Variants in C1D observed in about 807,000 individuals in gnomAD.
C1D encodes the protein nuclear nucleic acid-binding protein C1D.
Under a neutral mutation model 17.5 loss-of-function variants are expected in C1D, and 10 were observed. That is an observed-to-expected ratio of 0.57 (90% CI 0.35 to 0.97). The LOEUF is 0.97. C1D is among the 50% of genes least tolerant of loss of function. The pLI is 0.01. For missense variants in C1D, 136 were observed against 160.1 expected (o/e 0.85, Z 0.81); for synonymous variants, 49 against 54.0 (o/e 0.91, Z 0.40).
chr2:68,053,592 A>T (rs1671348861), intron 1 of C1D, among the ~76,000 whole-genome samples: 2 of 152,228 alleles, frequency 1.3e-5, no homozygotes, highest in Non-Finnish European at 2.9e-5. Context: ...TGCTTTAAAC[A>T]GTCTGGTCAT....
intron 1 of C1D, among the ~76,000 whole-genome samples, chr2:68,049,554 A>T (rs1309071174): frequency 1.3e-5 from 2 of 152,226 alleles, no homozygotes; most frequent in African/African-American, 4.8e-5. Flanking sequence ...TTAACCACAG[A>T]AAAAGAATTA....
At chr2:68,058,220 C>T (rs941550691) in intron 1 of C1D, among the ~76,000 whole-genome samples, 8 of 152,176 alleles carry the variant, frequency 5.3e-5, no homozygotes, top group Non-Finnish European at 8.8e-5. Context: ...ATTTAATTAG[C>T]CTCCATGATA....
At chr2:68,045,384 A>G (rs550380883) in intron 4 of C1D, among the ~76,000 whole-genome samples, 11 of 152,304 alleles carry the variant, frequency 7.2e-5, no homozygotes, top group African/African-American at 2.6e-4. Context: ...GATTTGATTT[A>G]ATTTTTGAAG....
chr2:68,044,278 ATC>A (rs1216804720), intron 4 of C1D, among the ~76,000 whole-genome samples: 1 of 152,258 alleles, frequency 6.6e-6, no homozygotes, highest in Non-Finnish European at 1.5e-5. Context: ...CAGAGGAATC[ATC>A]TCTCACTTGG....
intron 1 of C1D, among the ~76,000 whole-genome samples, chr2:68,051,323 A>G (rs1002171235): frequency 1.3e-5 from 2 of 152,142 alleles, no homozygotes; most frequent in African/African-American, 4.8e-5. Context: ...GTTCGAGACC[A>G]ACCTGGGCAA....
chr2:68,044,717 A>G lies in C1D; in HGVS notation c.261+1271T>C, dbSNP rs371445269. On this transcript the variant is annotated intron_variant, in intron 4 of 4. Transcript: ENST00000410067. ...AGCAAGACTCCATCTCAAAAAAAGA[A>G]AAAAAAAGAAAAAGAAAAGGGGAAG... 4.9e-4 allele frequency among the ~76,000 whole-genome samples: 74 copies of G among 152,178 alleles called. No homozygotes were observed. In the East Asian group the frequency reaches 0.012, roughly 25 times the overall value.
chr2:68,062,775 TG>T (rs947595773), intron 1 of C1D, among the ~76,000 whole-genome samples, 182 bp downstream of exon 1: 4 of 151,828 alleles, frequency 2.6e-5, no homozygotes, highest in Non-Finnish European at 5.9e-5. Context: ...CAAGCGGAAG[TG>T]GGGGACCTGC....
At chr2:68,043,354 G>C (rs1671024401) in intron 4 of C1D, among the ~76,000 whole-genome samples, 1 of 151,980 alleles carries the variant, frequency 6.6e-6, no homozygotes, top group South Asian at 2.1e-4. Context: ...GTTTCTAGGT[G>C]GTTATACATT....
chr2:68,058,087 G>A (rs1671491011), intron 1 of C1D, among the ~76,000 whole-genome samples: 1 of 152,188 alleles, frequency 6.6e-6, no homozygotes, highest in Non-Finnish European at 1.5e-5. Flanking sequence ...TCAGTTGCCT[G>A]ACAGTTCCTT....
chr2:68,041,266 G>T lies in C1D; in HGVS notation c.*1623C>A, dbSNP rs1670951553. ...AAGTTACACAATTTAACAGAACGTA[G>T]AGGTGCACTTTCATAAACCAATAAC... On this transcript the variant is annotated 3_prime_UTR_variant, in exon 5 of 5. Coordinates refer to ENST00000410067, the MANE Select transcript of C1D (RefSeq NM_173177.3). The T allele has an allele frequency of 1.3e-5, 2 of 151,986 alleles. No individual in the cohort carries two copies. Among genetic ancestry groups the T allele is most frequent in the African/African-American group, 4.8e-5 (2 of 41,426 alleles). The allele number at this position is 151,986 out of a possible 1,614,324, so 9.4% of individuals were successfully genotyped here. A position where few individuals can be genotyped will look rare whatever the true frequency, so the allele number is the denominator to read the frequency against.
chr2:68,054,365 G>C lies in C1D; in HGVS notation c.-9-7046C>G, dbSNP rs533833548. Among the ~76,000 whole-genome samples, 247 of 152,214 alleles carry C rather than the reference G, an allele frequency of 1.6e-3. 1 individual carries two copies. Among genetic ancestry groups the C allele is most frequent in the African/African-American group, 5.8e-3 (242 of 41,524 alleles). The stretch of plus-strand genomic sequence containing the variant: ...AGGAGATATATATTAAGAGAGTTAT[G>C]GCAAGAAACTGGTTTACATAGGGCA... On this transcript the variant is annotated intron_variant, in intron 1 of 4. Coordinates refer to ENST00000410067, the MANE Select transcript of C1D (RefSeq NM_173177.3).
At chr2:68,048,957 G>A (rs1394950558) in intron 1 of C1D, among the ~76,000 whole-genome samples, 1 of 152,192 alleles carries the variant, frequency 6.6e-6, no homozygotes, top group Non-Finnish European at 1.5e-5. Flanking sequence ...GCACTTTTGG[G>A]AGGCAGAGGC....
intron 1 of C1D, among the ~76,000 whole-genome samples, chr2:68,061,460 CATTAA>C (rs1300431919): frequency 6.6e-6 from 1 of 152,194 alleles, no homozygotes; most frequent in Non-Finnish European, 1.5e-5. Context: ...TGAACAATTA[CATTAA>C]ATTAAATTCA....
intron 1 of C1D, among the ~76,000 whole-genome samples, chr2:68,061,961 A>G (rs1355102362): frequency 6.6e-6 from 1 of 152,222 alleles, no homozygotes. Flanking sequence ...AATGAGTTCT[A>G]TCATTTCCAC....
chr2:68,051,978 A>C (rs1671295411), intron 1 of C1D, among the ~76,000 whole-genome samples: 2 of 152,024 alleles, frequency 1.3e-5, no homozygotes, highest in African/African-American at 4.8e-5. Context: ...CTGACAGTCA[A>C]TACATTTGTT....
At chr2:68,050,300 CAA>C (rs201574561) in intron 1 of C1D, among the ~76,000 whole-genome samples, 68 of 142,196 alleles carry the variant, frequency 4.8e-4, no homozygotes, top group African/African-American at 1.6e-3. Context: ...AAGAAAGAAA[CAA>C]AAAAAAAAAA....
intron 1 of C1D, among the ~76,000 whole-genome samples, chr2:68,060,109 A>G (rs926200430): frequency 2.0e-5 from 3 of 152,298 alleles, no homozygotes; most frequent in Non-Finnish European, 4.4e-5. Flanking sequence ...TCAAGCCCCA[A>G]ACTTTGACAA....
rs1228600424 is a variant in C1D at position 68,047,209 on chromosome 2, G to A, written c.102C>T (p.Thr34=). Residue 34 remains threonine, a synonymous_variant, in exon 2 of 5, where the codon ACC becomes ACT. Coordinates refer to ENST00000410067, the MANE Select transcript of C1D (RefSeq NM_173177.3). ...ACTCATTTCTAGAAACAGACATCAT[G>A]GTCTTCAGCATCTCATCCACAGCAC... ...SIGAVDEMLK[T]MMSVSRNELL... 3.1e-6 allele frequency: 5 copies of A among 1,610,124 alleles called. No individual in the cohort carries two copies. Among genetic ancestry groups the A allele is most frequent in the Non-Finnish European group, 4.2e-6 (5 of 1,178,872 alleles).
chr2:68,055,990 T>G (rs1352530948), intron 1 of C1D, among the ~76,000 whole-genome samples: 1 of 151,922 alleles, frequency 6.6e-6, no homozygotes, highest in Non-Finnish European at 1.5e-5. Context: ...ATAACTGGAG[T>G]GAGGGAGAGG....
Sources: gnomAD v4.1 joint callset for allele counts (sites outside exome capture counted in the v4.1 genomes callset) on GRCh38, gnomAD v4.1.1 for gene constraint, MANE v1.5 for transcripts, NCBI Gene and HGNC (gene_info 2026-07-23, HGNC 2026-07-21) for gene names.